Variants in NKAPD1 observed in about 807,000 individuals in gnomAD.
NKAPD1 encodes uncharacterized protein NKAPD1.
Under a neutral mutation model 30.9 loss-of-function variants are expected in NKAPD1, and 12 were observed. The ratio of observed to expected loss-of-function variants is 0.39; its 90% CI spans 0.25 to 0.63. NKAPD1 has a LOEUF of 0.63. Ranked by LOEUF, NKAPD1 falls within the 20% of genes least tolerant of loss-of-function variation. The pLI, the probability that NKAPD1 is intolerant of heterozygous loss-of-function variation, is 0.51. For missense variants in NKAPD1, 311 were observed against 344.5 expected (o/e 0.90, Z 0.77); for synonymous variants, 91 against 113.6 (o/e 0.80, Z 1.26).
In NKAPD1 at chr11:112,082,692, A is replaced by G; in HGVS notation, c.602A>G (p.Lys201Arg). 6.2e-7 allele frequency: 1 copy of G among 1,614,102 alleles called. No homozygotes were observed. Among genetic ancestry groups the G allele is most frequent in the Non-Finnish European group, 8.5e-7 (1 of 1,180,020 alleles). ...GGGGCTTCTGGTACAAGGAAAGGGA[A>G]ACAACCACATAAACGCAAGAAAAAA... ...ETGASGTRKG[K>R]QPHKRKKKSR... The change falls in exon 6 of 6, where the codon AAA becomes AGA. Residue 201 changes from lysine (K) to arginine (R), a missense_variant. Coordinates refer to ENST00000393047, the MANE Select transcript of NKAPD1 (RefSeq NM_018195.4).
intron 4 of NKAPD1, chr11:112,081,705 C>A: frequency 3.0e-6 from 1 of 335,710 alleles, no homozygotes; most frequent in Non-Finnish European, 5.5e-6. Context: ...TGCTTCATAG[C>A]TAAAGAGCAG....
intron 2 of NKAPD1, among the ~76,000 whole-genome samples, chr11:112,077,838 CTT>C (rs779925830): frequency 3.6e-5 from 5 of 139,706 alleles, no homozygotes; most frequent in African/African-American, 1.0e-4. Context: ...CAGTTAGTTG[CTT>C]TTTTTTTTTT....
At chr11:112,081,883 G>A in intron 4 of NKAPD1, 99 bp from the exon 5 acceptor site, 1 of 900,960 alleles carries the variant, frequency 1.1e-6, no homozygotes, top group South Asian at 1.4e-5. Flanking sequence ...TTGTGTTTAT[G>A]TTTGTGTATG....
Position 112,078,278 on chromosome 11 carries a change from C to G in NKAPD1, c.133C>G (p.Arg45Gly). 6.2e-7 allele frequency: 1 copy of G among 1,612,734 alleles called. No individual in the cohort carries two copies. Among genetic ancestry groups the G allele is most frequent in the Non-Finnish European group, 8.5e-7 (1 of 1,179,208 alleles). Residue 45 changes from arginine (R) to glycine (G), a missense_variant, in exon 3 of 6, where the codon CGG becomes GGG. Coordinates refer to ENST00000393047, the MANE Select transcript of NKAPD1 (RefSeq NM_018195.4). ...GGAAAAACAGATGGAAGATGCTTAC[C>G]GGGGGACCAAAAGGAAAATGCTACC... ...ELEKQMEDAY[R>G]GTKRKMLPSS...
chr11:112,078,303 C>A lies in NKAPD1; in HGVS notation c.158C>A (p.Pro53His). 1 of 1,610,454 alleles carries A rather than the reference C, an allele frequency of 6.2e-7. No homozygotes were observed. The highest frequency in any genetic ancestry group is 8.5e-7 in the Non-Finnish European group (1 of 1,177,838). Residue 53 changes from proline (P) to histidine (H), a missense_variant, in exon 3 of 6, where the codon CCC becomes CAC. By Grantham distance (77) the Pro-to-His change is moderately conservative. Transcript: ENST00000393047. ...CGGGGGACCAAAAGGAAAATGCTAC[C>A]CAGCAGTTCAAGGTGAAGTTGCAGC... Reference protein sequence around the residue: ...AYRGTKRKMLPSSSSRMRSDG... With the variant: ...AYRGTKRKMLHSSSSRMRSDG...
chr11:112,080,367 G>T (rs1425066043), intron 3 of NKAPD1, 42 bp from the exon 4 acceptor site: 2 of 1,599,672 alleles, frequency 1.3e-6, no homozygotes, highest in African/African-American at 1.4e-5. Context: ...TAAACTCACA[G>T]ATTGCTTTTA....
rs932918844 is a variant in NKAPD1, at chr11:112,074,340, C to A, written c.-585C>A. The A allele has an allele frequency of 4.8e-5, 19 of 399,150 alleles. No homozygotes were observed. Among genetic ancestry groups the A allele is most frequent in the Admixed American group, 8.8e-5 (2 of 22,718 alleles). 24.7% of individuals were successfully genotyped at this position (399,150 alleles called of 1,614,324 possible). A position where few individuals can be genotyped will look rare whatever the true frequency, so the allele number is the denominator to read the frequency against. ...ACTTCTTCCCCCCTACCCCCCGCCA[C>A]GCGAGGCTGCGGCGCACGGTATGGG... On this transcript the variant is annotated 5_prime_UTR_variant, in exon 1 of 6. Transcript: ENST00000393047.
At chr11:112,082,377 C>T in intron 5 of NKAPD1, 88 bp from the exon 6 acceptor site, 2 of 1,176,616 alleles carry the variant, frequency 1.7e-6, no homozygotes, top group Non-Finnish European at 2.3e-6. Context: ...AGATGTTAAC[C>T]TCAATTTTTT....
chr11:112,079,116 A>G (rs1865390413), intron 3 of NKAPD1, among the ~76,000 whole-genome samples: 1 of 148,346 alleles, frequency 6.7e-6, no homozygotes, highest in Non-Finnish European at 1.5e-5. Flanking sequence ...CTAGACCAGT[A>G]CCTGGTACAT....
intron 4 of NKAPD1, chr11:112,081,609 G>C (rs1021061915): frequency 5.3e-6 from 1 of 189,422 alleles, no homozygotes; most frequent in East Asian, 1.8e-4. Flanking sequence ...CTCCAGCCTG[G>C]GCAAGAGTGA....
intron 2 of NKAPD1, among the ~76,000 whole-genome samples, chr11:112,077,245 G>A (rs1865348729): frequency 6.6e-6 from 1 of 152,210 alleles, no homozygotes; most frequent in South Asian, 2.1e-4. Flanking sequence ...TATATAGTAA[G>A]CTTAGATTTA....
Position 112,078,139 on chromosome 11 carries a change from C to T in NKAPD1, c.70-76C>T, listed in dbSNP as rs557684883. On this transcript the variant is annotated intron_variant, in intron 2 of 5. Transcript: ENST00000393047. ...GATTACAGGTGTGAGCCACTGTGCC[C>T]GGCCAGTTAGTTACTTTTCTGTAAT... The T allele has an allele frequency of 2.3e-5, 26 of 1,148,184 alleles. No individual in the cohort carries two copies. In the Middle Eastern group the frequency reaches 1.4e-3, roughly 64 times the overall value. 71.1% of individuals were successfully genotyped at this position (1,148,184 alleles called of 1,614,324 possible). A position where few individuals can be genotyped will look rare whatever the true frequency, so the allele number is the denominator to read the frequency against.
chr11:112,081,673 T>C (rs775956340), intron 4 of NKAPD1: 1 of 283,996 alleles, frequency 3.5e-6, no homozygotes. Context: ...CAGCATGATA[T>C]TATGAAGTGT....
In NKAPD1 at chr11:112,075,578, T is replaced by G. The variant is rs769836208; in HGVS notation, c.4T>G (p.Ser2Ala). The G allele has an allele frequency of 5.6e-6, 9 of 1,607,426 alleles. 1 individual carries two copies. The South Asian group carries it at 1.0e-4, about 18-fold the overall frequency. ...TTGATTCATTTCAGATTGAAGAATG[T>G]CCCGGATTCCACTGGGGAAGGTCCT... M[S>A]RIPLGKVLLR... is the part of the protein sequence containing the mutation. The change falls in exon 2 of 6, where the codon TCC becomes GCC. Residue 2 changes from serine (S) to alanine (A), a missense_variant. Physicochemically the swap from Ser to Ala is moderately conservative, Grantham distance 99. Transcript: ENST00000393047.
intron 2 of NKAPD1, among the ~76,000 whole-genome samples, chr11:112,076,685 G>A (rs373129927): frequency 6.6e-6 from 1 of 152,162 alleles, no homozygotes; most frequent in African/African-American, 2.4e-5. Flanking sequence ...CATTGAGTAG[G>A]CTGAGGAGGA....
intron 2 of NKAPD1, among the ~76,000 whole-genome samples, chr11:112,077,016 A>C (rs951608359): frequency 6.6e-6 from 1 of 152,240 alleles, no homozygotes; most frequent in Admixed American, 6.5e-5. Context: ...ATTGATGTAT[A>C]GGTTGATGAT....
chr11:112,076,036 C>T (rs1460509650), intron 2 of NKAPD1, among the ~76,000 whole-genome samples: 2 of 152,144 alleles, frequency 1.3e-5, no homozygotes, highest in Non-Finnish European at 1.5e-5. Context: ...CGAGAAAGAG[C>T]ATTAATCACT....
intron 3 of NKAPD1, among the ~76,000 whole-genome samples, chr11:112,079,826 T>TC (rs1865407591): frequency 6.6e-6 from 1 of 151,848 alleles, no homozygotes; most frequent in Non-Finnish European, 1.5e-5. Context: ...TTTTTTTTTT[T>TC]CCTGAGACGG....
At chr11:112,077,857 T>C (rs2135244685) in intron 2 of NKAPD1, among the ~76,000 whole-genome samples, 1 of 152,158 alleles carries the variant, frequency 6.6e-6, no homozygotes, top group East Asian at 1.9e-4. Flanking sequence ...TTTTTTCTTT[T>C]TTTGTTGATA....
Sources: gnomAD v4.1 joint callset for allele counts (sites outside exome capture counted in the v4.1 genomes callset) on GRCh38, gnomAD v4.1.1 for gene constraint, MANE v1.5 for transcripts, NCBI Gene and HGNC (gene_info 2026-07-23, HGNC 2026-07-21) for gene names.